C1QTNF7: variants seen among roughly 807,000 people sequenced by gnomAD.
The protein encoded by C1QTNF7 is C1q and TNF related 7.
C1QTNF7 carries 15 observed loss-of-function variants against 19.6 expected under a neutral mutation model. The observed-to-expected ratio is 0.76, with a 90% CI of 0.51 to 1.18. The LOEUF (loss-of-function observed/expected upper bound fraction) is 1.18, where lower values mean the gene tolerates loss of function less well. Among genes scored for constraint, C1QTNF7 ranks in the 50% most tolerant of loss-of-function variants. The pLI is 0.00. For synonymous variants in C1QTNF7, 142 were observed against 137.5 expected (o/e 1.03, Z -0.23); for missense variants, 324 against 359.7 (o/e 0.90, Z 0.80).
intron 1 of C1QTNF7, among the ~76,000 whole-genome samples, chr4:15,389,186 G>A (rs1462087537): frequency 1.3e-5 from 2 of 152,164 alleles, no homozygotes; most frequent in Non-Finnish European, 2.9e-5. Flanking sequence ...TTGGAGATAA[G>A]CCAGGAAGTA....
At chr4:15,425,442 T>C (rs1711996262), upstream of C1QTNF7, among the ~76,000 whole-genome samples, 1 of 151,976 alleles carries the variant, frequency 6.6e-6, no homozygotes, top group Non-Finnish European at 1.5e-5. Context: ...AGGGGAGACA[T>C]GGTTGGTAAT....
intron 1 of C1QTNF7, among the ~76,000 whole-genome samples, chr4:15,378,539 C>G (rs1479498971): frequency 6.6e-6 from 1 of 152,148 alleles, no homozygotes; most frequent in Non-Finnish European, 1.5e-5. Flanking sequence ...ACTAGTATGT[C>G]CTAAGTGAAT....
intron 1 of C1QTNF7, among the ~76,000 whole-genome samples, chr4:15,380,004 G>C (rs192020906): frequency 2.8e-3 from 431 of 152,280 alleles, no homozygotes; most frequent in South Asian, 8.1e-3. Context: ...CAGTTGCTTG[G>C]ATCATACCAT....
rs550865385 is a variant in C1QTNF7 at position 15,395,325 on chromosome 4, G to A, written c.14-40411G>A. ...TTCCATAAAAGAGATGGTGGGGGGC[G>A]TGGACTCTGGATTGGTGTTTTTGCA... On this transcript the variant is annotated intron_variant, in intron 1 of 2. Coordinates refer to the C1QTNF7 transcript ENST00000295297. Among the ~76,000 whole-genome samples, 83 of 152,286 alleles carry A rather than the reference G, an allele frequency of 5.5e-4. 1 individual carries two copies. Among genetic ancestry groups the A allele is most frequent in the African/African-American group, 1.9e-3 (81 of 41,562 alleles).
At chr4:15,407,989 C>A (rs1163065777) in intron 1 of C1QTNF7, among the ~76,000 whole-genome samples, 1 of 152,046 alleles carries the variant, frequency 6.6e-6, no homozygotes, top group Non-Finnish European at 1.5e-5. Context: ...AGAAAGTAGG[C>A]CGGGCTTGGT....
intron 2 of C1QTNF7, among the ~76,000 whole-genome samples, chr4:15,441,556 G>A (rs2108943023): frequency 6.6e-6 from 1 of 152,282 alleles, no homozygotes; most frequent in Non-Finnish European, 1.5e-5. Context: ...TTCCTGTAGT[G>A]CCCAGTACCT....
At chr4:15,435,597 G>GT in intron 1 of C1QTNF7, 139 bp from the exon 2 acceptor site, 1 of 1,228,844 alleles carries the variant, frequency 8.1e-7, no homozygotes, top group South Asian at 1.5e-5. Flanking sequence ...GGTAAACAGT[G>GT]TTTTACATGT....
intron 1 of C1QTNF7, among the ~76,000 whole-genome samples, chr4:15,394,900 A>G (rs1489337607): frequency 1.3e-5 from 2 of 152,188 alleles, no homozygotes; most frequent in African/African-American, 4.8e-5. Flanking sequence ...GAACACCTCA[A>G]CTGTTTCCCA....
intron 1 of C1QTNF7, among the ~76,000 whole-genome samples, chr4:15,387,566 A>G (rs1037130916): frequency 2.0e-5 from 3 of 152,188 alleles, no homozygotes; most frequent in South Asian, 2.1e-4. Context: ...AAGAGAAGAA[A>G]GAGGGAGAAG....
intron 1 of C1QTNF7, among the ~76,000 whole-genome samples, chr4:15,400,601 C>T (rs906932367): frequency 4.6e-5 from 7 of 152,114 alleles, no homozygotes; most frequent in Non-Finnish European, 1.0e-4. Flanking sequence ...GGATGATGAA[C>T]GGTCTGCTCT....
At chr4:15,415,789 C>T (rs1457325598) in intron 1 of C1QTNF7, among the ~76,000 whole-genome samples, 1 of 152,050 alleles carries the variant, frequency 6.6e-6, no homozygotes, top group Non-Finnish European at 1.5e-5. Flanking sequence ...ATGTTACAAA[C>T]CAGAGACACT....
At chr4:15,408,600 G>A (rs1184515701) in intron 1 of C1QTNF7, among the ~76,000 whole-genome samples, 2 of 152,092 alleles carry the variant, frequency 1.3e-5, no homozygotes, top group Non-Finnish European at 2.9e-5. Context: ...ACGGTGGGAA[G>A]GGGCTAAACT....
At chr4:15,426,627 A>C (rs1712067952), upstream of C1QTNF7, among the ~76,000 whole-genome samples, 1 of 152,234 alleles carries the variant, frequency 6.6e-6, no homozygotes, top group Non-Finnish European at 1.5e-5. Flanking sequence ...GAATATCCAC[A>C]AATTGTATCA....
chr4:15,340,215 A>C, intron 1 of C1QTNF7: 2 of 1,551,584 alleles, frequency 1.3e-6, no homozygotes, highest in East Asian at 4.9e-5. Flanking sequence ...AAGGTAAGCT[A>C]CCATTTTCAC....
intron 1 of C1QTNF7, among the ~76,000 whole-genome samples, chr4:15,413,073 G>C (rs562592199): frequency 3.9e-4 from 60 of 152,316 alleles, no homozygotes; most frequent in African/African-American, 1.4e-3. Flanking sequence ...TCAAAGCCCA[G>C]TTAGTGTCCA....
chr4:15,392,358 C>T (rs377226339), intron 1 of C1QTNF7, among the ~76,000 whole-genome samples: 5 of 152,304 alleles, frequency 3.3e-5, no homozygotes, highest in East Asian at 1.9e-4. Flanking sequence ...GTGGATACAG[C>T]GTCCTCGCAG....
At chr4:15,406,057 C>A (rs1719185091) in intron 1 of C1QTNF7, among the ~76,000 whole-genome samples, 1 of 152,314 alleles carries the variant, frequency 6.6e-6, no homozygotes, top group South Asian at 2.1e-4. Context: ...AGCTACCCAC[C>A]CCTTCTCCAA....
chr4:15,399,890 C>T (rs59684117), intron 1 of C1QTNF7, among the ~76,000 whole-genome samples: 38,557 of 152,136 alleles, frequency 0.25, 5,907 homozygotes, highest in East Asian at 0.37. Context: ...TATATGAAAT[C>T]ATCTGTTCTT....
At chr4:15,367,452 C>G (rs1303227831) in intron 1 of C1QTNF7, among the ~76,000 whole-genome samples, 1 of 152,168 alleles carries the variant, frequency 6.6e-6, no homozygotes, top group Admixed American at 6.5e-5. Flanking sequence ...CTACCAGCAC[C>G]ATTTATTTAT....
Sources: allele counts gnomAD v4.1 joint callset (sites outside exome capture counted in the v4.1 genomes callset), GRCh38; gene constraint gnomAD v4.1.1; transcripts MANE v1.5; gene names NCBI Gene and HGNC (gene_info 2026-07-23, HGNC 2026-07-21).